TSNAXIP1: variants seen among roughly 807,000 people sequenced by gnomAD.
TSNAXIP1 encodes translin-associated factor X-interacting protein 1.
TSNAXIP1 carries 89 observed loss-of-function variants against 84.8 expected under a neutral mutation model. The observed-to-expected ratio is 1.05, with a 90% CI of 0.88 to 1.25. The LOEUF (loss-of-function observed/expected upper bound fraction) is 1.25. Among genes scored for constraint, TSNAXIP1 ranks in the 50% most tolerant of loss-of-function variants. The pLI is 0.00. For missense variants in TSNAXIP1, 874 were observed against 887.6 expected (o/e 0.98, Z 0.20); for synonymous variants, 347 against 335.2 (o/e 1.04, Z -0.39).
intron 6 of TSNAXIP1, 124 bp from the exon 7 acceptor site, chr16:67,825,013 C>T: frequency 4.4e-6 from 6 of 1,365,276 alleles, no homozygotes; most frequent in Non-Finnish European, 6.0e-6. Flanking sequence ...TCTCCTTCTT[C>T]TTTCACCTTT....
chr16:67,827,692 T>C (rs564101921), intron 15 of TSNAXIP1, 61 bp from the exon 16 acceptor site: 16 of 1,611,120 alleles, frequency 9.9e-6, no homozygotes, highest in Non-Finnish European at 1.3e-5. Context: ...GGAGGGCACC[T>C]GGGAGTCTGG....
chr16:67,819,522 T>C (rs12325430), intron 2 of TSNAXIP1, among the ~76,000 whole-genome samples: 87,710 of 151,944 alleles, frequency 0.58, 28,498 homozygotes, highest in African/African-American at 0.89. Context: ...AAGTCGCACA[T>C]CTTGGCCTCC....
At chr16:67,827,643 T>G in intron 15 of TSNAXIP1, 64 bp downstream of exon 15, 1 of 1,611,402 alleles carries the variant, frequency 6.2e-7, no homozygotes, top group Non-Finnish European at 8.5e-7. Flanking sequence ...TGGGTCTCCC[T>G]GTGCACCATG....
At chr16:67,827,208 G>C in intron 13 of TSNAXIP1, 41 bp from the exon 14 acceptor site, 2 of 1,612,898 alleles carry the variant, frequency 1.2e-6, no homozygotes, top group East Asian at 2.2e-5. Flanking sequence ...GCACAAGCAG[G>C]CCTCAGCAGG....
chr16:67,821,005 C>A, intron 3 of TSNAXIP1, 54 bp downstream of exon 3: 1 of 1,590,376 alleles, frequency 6.3e-7, no homozygotes, highest in South Asian at 1.1e-5. Flanking sequence ...AGGCTTTGGG[C>A]CAGGAGACAG....
In TSNAXIP1 at chr16:67,826,521, C is replaced by T. The variant is rs775863743; in HGVS notation, c.1360C>T (p.Leu454Phe). ...GCCAAGCAAGAAGGACGTGGTCAAC[C>T]TCCTCAAGGATGCCTGGAAGGAACG... ...KKPSKKDVVN[L>F]LKDAWKERLA... Residue 454 changes from leucine (L) to phenylalanine (F), a missense_variant, in exon 11 of 16, where the codon CTC (leucine) becomes TTC (phenylalanine). By Grantham distance (22) the Leu-to-Phe change is conservative (BLOSUM62 0). Coordinates refer to ENST00000561639, the MANE Select transcript of TSNAXIP1 (RefSeq NM_001288990.3). 3.1e-6 allele frequency: 5 copies of T among 1,614,176 alleles called. No individual in the cohort carries two copies. The highest frequency in any genetic ancestry group is 4.5e-5 in the East Asian group (2 of 44,882).
chr16:67,821,251 G>GT, intron 4 of TSNAXIP1, 26 bp downstream of exon 4: 4 of 1,428,934 alleles, frequency 2.8e-6, no homozygotes, highest in Middle Eastern at 1.9e-4. Flanking sequence ...GAAACTTGGG[G>GT]AGGGCGGGGG....
intron 1 of TSNAXIP1, among the ~76,000 whole-genome samples, chr16:67,812,054 C>T (rs1264034698): frequency 6.6e-6 from 1 of 152,110 alleles, no homozygotes; most frequent in Non-Finnish European, 1.5e-5. Context: ...AGTCCTAATC[C>T]TACTTTTATA....
chr16:67,811,121 G>A (rs1339363721), intron 1 of TSNAXIP1, among the ~76,000 whole-genome samples: 1 of 152,076 alleles, frequency 6.6e-6, no homozygotes, highest in Non-Finnish European at 1.5e-5. Flanking sequence ...ACCGCGCCCG[G>A]CCGATCTCCT....
At position 67,826,668 on chromosome 16, in the gene TSNAXIP1, C is replaced by T. The variant is rs1166070658; in HGVS notation, c.1402-24C>T. On this transcript the variant is annotated intron_variant, in intron 11 of 15. Coordinates refer to ENST00000561639, the MANE Select transcript of TSNAXIP1 (RefSeq NM_001288990.3). Reference sequence around the variant, plus strand: ...GGGCCAACCAACCGTAAGACTCTGACTGAGCATTTCCTCGATCCCGCAGAA... The same window carrying T: ...GGGCCAACCAACCGTAAGACTCTGATTGAGCATTTCCTCGATCCCGCAGAA... 8 of 1,611,848 alleles carry T rather than the reference C, an allele frequency of 5.0e-6. No individual in the cohort carries two copies. The African/African-American group carries it at 6.7e-5, about 13-fold the overall frequency.
intron 2 of TSNAXIP1, among the ~76,000 whole-genome samples, chr16:67,817,880 C>T (rs1360196133): frequency 2.2e-5 from 3 of 137,924 alleles, no homozygotes; most frequent in South Asian, 2.3e-4. Context: ...AGTGAGGCTC[C>T]GTCTCAAAAT....
chr16:67,821,555 C>T (rs763522302), intron 4 of TSNAXIP1, among the ~76,000 whole-genome samples: 2 of 151,750 alleles, frequency 1.3e-5, no homozygotes, highest in African/African-American at 2.4e-5. Flanking sequence ...CCAACCTGGG[C>T]GACAAGAGTG....
chr16:67,826,559 G>C lies in TSNAXIP1; in HGVS notation c.1398G>C (p.Glu466Asp). 2 of 1,614,146 alleles carry C rather than the reference G, an allele frequency of 1.2e-6. No homozygotes were observed. Among genetic ancestry groups the C allele is most frequent in the Non-Finnish European group, 1.7e-6 (2 of 1,180,014 alleles). Residue 466 changes from glutamate to aspartate, a missense_variant, in exon 11 of 16, where the codon GAG becomes GAC. Physicochemically the swap from Glu to Asp is conservative, Grantham distance 45. Coordinates refer to ENST00000561639, the MANE Select transcript of TSNAXIP1 (RefSeq NM_001288990.3). Reference protein sequence around the residue: ...KDAWKERLAEEQKETFPDFFF... With the variant: ...KDAWKERLAEDQKETFPDFFF... ...CCTGGAAGGAACGTCTTGCTGAGGA[G>C]CAGGTCAGATCTCACCAGCCACTCT...
chr16:67,823,551 A>G, intron 4 of TSNAXIP1, 75 bp from the exon 5 acceptor site: 2 of 1,269,916 alleles, frequency 1.6e-6, no homozygotes, highest in Non-Finnish European at 2.3e-6. Context: ...TCAGGAAAAA[A>G]GAAAAAGAAA....
intron 5 of TSNAXIP1, among the ~76,000 whole-genome samples, 197 bp from the exon 6 acceptor site, chr16:67,824,386 G>A (rs547217895): frequency 2.0e-5 from 3 of 152,154 alleles, no homozygotes; most frequent in Middle Eastern, 3.2e-3. Flanking sequence ...GAGAGACCCC[G>A]GTCTTCATCT....
In TSNAXIP1 at chr16:67,826,084, C is replaced by T. The variant is rs776429294; in HGVS notation, c.1144+8C>T. 2 of 1,613,206 alleles carry T rather than the reference C, an allele frequency of 1.2e-6. No individual in the cohort carries two copies. The highest frequency in any genetic ancestry group is 1.7e-6 in the Non-Finnish European group (2 of 1,180,036). ...ACTGGACCAAGTGCAAAGGTGAGGG[C>T]AGCCGGCAGGGCCCCAGGTCCTGCT... On this transcript the variant is annotated splice_region_variant and intron_variant, in intron 9 of 15. Coordinates refer to ENST00000561639, the MANE Select transcript of TSNAXIP1 (RefSeq NM_001288990.3).
Position 67,826,952 on chromosome 16 carries a change from T to C in TSNAXIP1, c.1555-11T>C. On this transcript the variant is annotated splice_polypyrimidine_tract_variant and intron_variant, in intron 12 of 15. Coordinates refer to ENST00000561639, the MANE Select transcript of TSNAXIP1 (RefSeq NM_001288990.3). ...AGGAACAGCAGGTGAATAATGCTTC[T>C]CTCCTTATAGCGGAGTGAGAATGTG... 3.1e-6 allele frequency: 5 copies of C among 1,613,960 alleles called. No homozygotes were observed. The highest frequency in any genetic ancestry group is 4.2e-6 in the Non-Finnish European group (5 of 1,179,940).
Position 67,827,844 on chromosome 16 carries a change from C to G in TSNAXIP1, c.1990C>G (p.Gln664Glu). Residue 664 changes from glutamine to glutamate, a missense_variant, in exon 16 of 16, where the codon CAG becomes GAG. Transcript: ENST00000561639. ...GCAGACAGTGAACACCTACATGAGC[C>G]AGGCCTTCCAGCTCCCTGAGTCGGA... ...DKQTVNTYMS[Q>E]AFQLPESEMP... The G allele has an allele frequency of 6.2e-7, 1 of 1,614,134 alleles. No individual in the cohort carries two copies. The highest frequency in any genetic ancestry group is 8.5e-7 in the Non-Finnish European group (1 of 1,180,038).
In TSNAXIP1 at chr16:67,817,709, T is replaced by G. The variant is rs1477380542; in HGVS notation, c.148-3130T>G. Among the ~76,000 whole-genome samples the G allele has an allele frequency of 5.4e-5, 8 of 149,300 alleles. No homozygotes were observed. In the East Asian group the frequency reaches 1.6e-3, roughly 31 times the overall value. On this transcript the variant is annotated intron_variant, in intron 2 of 15. Transcript: ENST00000561639. ...GGGTTCAAGACCACCCTGGGCAACA[T>G]GGTGAAACTCCGTTTCTACTAAAAA...
Sources: allele counts gnomAD v4.1 joint callset (sites outside exome capture counted in the v4.1 genomes callset), GRCh38; gene constraint gnomAD v4.1.1; transcripts MANE v1.5; gene names NCBI Gene and HGNC (gene_info 2026-07-23, HGNC 2026-07-21).